The following ARHGAP36 variants were observed in gnomAD, a reference collection of about 807,000 sequenced individuals.
The protein encoded by ARHGAP36 is rho GTPase-activating protein 36.
Under a neutral mutation model 32.9 loss-of-function variants are expected in ARHGAP36, and 7 were observed. The ratio of observed to expected loss-of-function variants is 0.21; its 90% CI spans 0.12 to 0.40. The LOEUF (loss-of-function observed/expected upper bound fraction) is 0.40. Among genes scored for constraint, ARHGAP36 ranks in the 10% least tolerant of loss-of-function variants. ARHGAP36 has a pLI of 1.00. For synonymous variants in ARHGAP36, 165 were observed against 168.3 expected (o/e 0.98, Z 0.15); for missense variants, 383 against 442.2 (o/e 0.87, Z 1.20).
chrX:131,063,109 T>C (rs2079678061), intron 1 of ARHGAP36, among the ~76,000 whole-genome samples: 2 of 112,139 alleles, frequency 1.8e-5, no homozygotes, highest in South Asian at 7.6e-4. Flanking sequence ...GCACCACCTG[T>C]GTCCTCATAG....
At chrX:131,084,553 G>A (rs1266310974) in intron 5 of ARHGAP36, 73 bp from the exon 6 acceptor site, 2 of 1,166,018 alleles carry the variant, frequency 1.7e-6, no homozygotes, top group Non-Finnish European at 2.3e-6. Context: ...TGCAGTAGGG[G>A]GTGAGGGGAG....
At chrX:131,058,465 C>A in intron 1 of ARHGAP36, 21 bp downstream of exon 1, 2 of 1,045,740 alleles carry the variant, frequency 1.9e-6, no homozygotes, top group Non-Finnish European at 2.5e-6. Flanking sequence ...CCCACCGAGT[C>A]GGGGGGCTGG....
chrX:131,077,764 CATATATATATATATAT>C (rs72142237), intron 1 of ARHGAP36, among the ~76,000 whole-genome samples: 54 of 87,026 alleles, frequency 6.2e-4, no homozygotes, highest in Middle Eastern at 5.8e-3. Flanking sequence ...CAAATAAAAT[CATATATATATATATAT>C]ATATATATAT....
chrX:131,059,739 C>T (rs185107641), intron 1 of ARHGAP36, among the ~76,000 whole-genome samples: 326 of 111,679 alleles, frequency 2.9e-3, no homozygotes, highest in African/African-American at 9.9e-3. Context: ...TTATATGATC[C>T]TGGTGAATCA....
chrX:131,066,394 A>G (rs1384143106), intron 1 of ARHGAP36, among the ~76,000 whole-genome samples: 5 of 112,016 alleles, frequency 4.5e-5, no homozygotes, highest in Non-Finnish European at 9.4e-5. Context: ...CCCTGTGGCT[A>G]GAAAATGTTC....
chrX:131,082,944 T>C (rs2079811983), intron 2 of ARHGAP36, among the ~76,000 whole-genome samples: 1 of 112,970 alleles, frequency 8.9e-6, no homozygotes, highest in South Asian at 3.6e-4. Context: ...GATTGTCTGG[T>C]TTGGTTAAAT....
intron 3 of ARHGAP36, among the ~76,000 whole-genome samples, chrX:131,083,509 G>T (rs1253437956): frequency 5.4e-5 from 6 of 112,031 alleles, no homozygotes; most frequent in Non-Finnish European, 9.4e-5. Context: ...AAAATTTAAG[G>T]CAGGGACCTC....
At chrX:131,082,801 G>T (rs1312210745) in intron 2 of ARHGAP36, among the ~76,000 whole-genome samples, 1 of 113,204 alleles carries the variant, frequency 8.8e-6, no homozygotes, top group Admixed American at 9.2e-5. Flanking sequence ...CGGTGGCGCT[G>T]CAGGAGAGCC....
chrX:131,071,612 A>T (rs1368667179), intron 1 of ARHGAP36, among the ~76,000 whole-genome samples: 2 of 111,663 alleles, frequency 1.8e-5, no homozygotes, highest in Non-Finnish European at 3.8e-5. Flanking sequence ...CAGGCACCTA[A>T]GAGTCATATC....
intron 1 of ARHGAP36, among the ~76,000 whole-genome samples, chrX:131,058,744 C>G (rs896717977): frequency 1.5e-4 from 17 of 113,224 alleles, no homozygotes; most frequent in Non-Finnish European, 3.0e-4. Context: ...GGGCCAGACG[C>G]GCAGGAGCGG....
chrX:131,071,166 C>CAGAGAGAG (rs112542239), intron 1 of ARHGAP36, among the ~76,000 whole-genome samples: 1 of 106,322 alleles, frequency 9.4e-6, no homozygotes, highest in African/African-American at 3.4e-5. Flanking sequence ...AGAGAGAAGA[C>CAGAGAGAG]AGAGAGAGAG....
At chrX:131,087,838 T>C (rs767820024) in intron 11 of ARHGAP36, among the ~76,000 whole-genome samples, 7 of 111,773 alleles carry the variant, frequency 6.3e-5, no homozygotes, top group African/African-American at 2.3e-4. Flanking sequence ...AAGATTCAGT[T>C]CTCTATGTGG....
intron 1 of ARHGAP36, among the ~76,000 whole-genome samples, chrX:131,077,695 G>A (rs1196760260): frequency 1.0e-5 from 1 of 99,831 alleles, no homozygotes; most frequent in Non-Finnish European, 2.0e-5. Flanking sequence ...GTGCCTGTCC[G>A]CTCTTTGTTC....
At chrX:131,082,078 T>C (rs1032634287) in intron 2 of ARHGAP36, among the ~76,000 whole-genome samples, 160 bp downstream of exon 2, 3 of 111,748 alleles carry the variant, frequency 2.7e-5, no homozygotes, top group Non-Finnish European at 5.6e-5. Context: ...AAGCCGGAGT[T>C]GAAGGCTGTT....
chrX:131,087,284 C>T (rs1201908099), intron 11 of ARHGAP36, among the ~76,000 whole-genome samples: 1 of 111,179 alleles, frequency 9.0e-6, no homozygotes, highest in Non-Finnish European at 1.9e-5. Context: ...GATGTCCCAG[C>T]TGTTGATGAA....
In ARHGAP36 at chrX:131,089,792, A is replaced by G. The variant is rs763548739; in HGVS notation, c.*1007A>G. The G allele has an allele frequency of 9.4e-4, 106 of 112,614 alleles. No homozygotes were observed. The highest frequency in any genetic ancestry group is 1.4e-3 in the Non-Finnish European group (77 of 53,286). The allele number at this position is 112,614 out of a possible 1,213,427, so 9.3% of individuals were successfully genotyped here. A position where few individuals can be genotyped will look rare whatever the true frequency, so the allele number is the denominator to read the frequency against. On this transcript the variant is annotated 3_prime_UTR_variant, in exon 12 of 12. Coordinates refer to ENST00000276211, the MANE Select transcript of ARHGAP36 (RefSeq NM_144967.4). Reference sequence around the variant, plus strand: ...TTGAGGGATAGAAATTGATCATTTAATGGGTAACAACTGCTGAGCTCAAAG... The same window carrying G: ...TTGAGGGATAGAAATTGATCATTTAGTGGGTAACAACTGCTGAGCTCAAAG...
intron 11 of ARHGAP36, 113 bp downstream of exon 11, chrX:131,086,778 G>A: frequency 1.8e-6 from 1 of 558,011 alleles, no homozygotes; most frequent in Admixed American, 3.5e-5. Flanking sequence ...AGGAAGATGA[G>A]TCCTCTGAGG....
At chrX:131,084,133 AAT>A (rs1290713980) in intron 4 of ARHGAP36, 80 bp from the exon 5 acceptor site, 1 of 1,058,561 alleles carries the variant, frequency 9.4e-7, no homozygotes, top group Non-Finnish European at 1.3e-6. Flanking sequence ...TCTTGTCCTG[AAT>A]GTCATACATA....
intron 11 of ARHGAP36, 97 bp downstream of exon 11, chrX:131,086,762 C>T: frequency 1.4e-6 from 1 of 692,268 alleles, no homozygotes; most frequent in Non-Finnish European, 2.2e-6. Context: ...GAAGATGAGC[C>T]CCTTGAGGAA....
Sources: allele counts gnomAD v4.1 joint callset (sites outside exome capture counted in the v4.1 genomes callset), GRCh38; gene constraint gnomAD v4.1.1; transcripts MANE v1.5; gene names NCBI Gene and HGNC (gene_info 2026-07-23, HGNC 2026-07-21).